ENPP6: variants seen among roughly 807,000 people sequenced by gnomAD.
ENPP6 encodes the protein glycerophosphocholine cholinephosphodiesterase ENPP6.
Under a neutral mutation model 42.0 loss-of-function variants are expected in ENPP6, and 32 were observed. That is an observed-to-expected ratio of 0.76 (90% CI 0.58 to 1.02). The LOEUF (loss-of-function observed/expected upper bound fraction) is 1.02, where lower values mean the gene tolerates loss of function less well. Ranked by LOEUF, ENPP6 falls within the 50% of genes least tolerant of loss-of-function variation. ENPP6 has a pLI of 0.00. For missense variants in ENPP6, 552 were observed against 566.8 expected (o/e 0.97, Z 0.27); for synonymous variants, 213 against 216.0 (o/e 0.99, Z 0.12).
At chr4:184,201,111 C>T (rs546763747) in intron 1 of ENPP6, among the ~76,000 whole-genome samples, 1 of 152,166 alleles carries the variant, frequency 6.6e-6, no homozygotes, top group Non-Finnish European at 1.5e-5. Context: ...AAACACAGCA[C>T]GCGCGCCCCC....
At chr4:184,156,915 C>T (rs747011228) in intron 1 of ENPP6, among the ~76,000 whole-genome samples, 1 of 152,234 alleles carries the variant, frequency 6.6e-6, no homozygotes, top group Non-Finnish European at 1.5e-5. Flanking sequence ...GGCTGGCCTT[C>T]ACATCTCACG....
chr4:184,154,171 T>C (rs1389030505), intron 1 of ENPP6, among the ~76,000 whole-genome samples: 1 of 152,186 alleles, frequency 6.6e-6, no homozygotes, highest in African/African-American at 2.4e-5. Context: ...TTTCCTTTCT[T>C]AAATAAGAGG....
At chr4:184,111,261 G>T (rs909808955) in intron 6 of ENPP6, among the ~76,000 whole-genome samples, 4 of 152,206 alleles carry the variant, frequency 2.6e-5, no homozygotes, top group Admixed American at 1.3e-4. Flanking sequence ...GATGGCTGTG[G>T]ATTAACCTTC....
At chr4:184,217,163 C>T (rs1488187678) in intron 1 of ENPP6, among the ~76,000 whole-genome samples, 1 of 152,026 alleles carries the variant, frequency 6.6e-6, no homozygotes, top group Non-Finnish European at 1.5e-5. Flanking sequence ...AACAAGCCCA[C>T]AGGGTGCCAG....
intron 2 of ENPP6, among the ~76,000 whole-genome samples, chr4:184,134,131 G>GATTT (rs60164895): frequency 0.049 from 7,275 of 147,246 alleles, 605 homozygotes; most frequent in African/African-American, 0.17. Context: ...TTATGGAAGT[G>GATTT]ATTTATTTAT....
chr4:184,130,818 C>T (rs1736593903), intron 2 of ENPP6, among the ~76,000 whole-genome samples: 1 of 151,976 alleles, frequency 6.6e-6, no homozygotes. Context: ...CATAAGGAAC[C>T]AAAACTTATT....
intron 1 of ENPP6, among the ~76,000 whole-genome samples, chr4:184,183,942 T>G (rs55651639): frequency 0.11 from 17,022 of 152,280 alleles, 1,332 homozygotes; most frequent in African/African-American, 0.22. Flanking sequence ...CTTCCCCTGC[T>G]ATTTGCCAGA....
chr4:184,102,363 T>C (rs4444870), intron 6 of ENPP6, among the ~76,000 whole-genome samples: 97,752 of 152,104 alleles, frequency 0.64, 32,028 homozygotes, highest in African/African-American at 0.76. Context: ...GGTCCATGTT[T>C]ATTATTTGCC....
At chr4:184,095,178 A>C (rs998248678) in intron 7 of ENPP6, among the ~76,000 whole-genome samples, 1 of 152,166 alleles carries the variant, frequency 6.6e-6, no homozygotes, top group African/African-American at 2.4e-5. Flanking sequence ...AGCGCAGTCC[A>C]TTTTCATCAG....
intron 1 of ENPP6, among the ~76,000 whole-genome samples, chr4:184,189,047 G>T (rs1159383722): frequency 6.6e-6 from 1 of 152,360 alleles, no homozygotes; most frequent in East Asian, 1.9e-4. Context: ...AGTCTGTCAA[G>T]TGCTTTGGGG....
intron 6 of ENPP6, among the ~76,000 whole-genome samples, chr4:184,102,948 A>C (rs966866497): frequency 6.6e-5 from 10 of 152,240 alleles, no homozygotes; most frequent in African/African-American, 2.4e-4. Context: ...GAAGCTGCTC[A>C]CCTGGCATCT....
chr4:184,164,467 T>C (rs1403611705), intron 1 of ENPP6, among the ~76,000 whole-genome samples: 1 of 152,114 alleles, frequency 6.6e-6, no homozygotes, highest in Non-Finnish European at 1.5e-5. Flanking sequence ...GGTGTCCTTA[T>C]AAAAACGGGA....
chr4:184,113,899 T>TTTCCTTTCTTTCTTTC (rs1409161618), intron 5 of ENPP6, among the ~76,000 whole-genome samples: 4 of 103,626 alleles, frequency 3.9e-5, no homozygotes, highest in East Asian at 2.7e-4. Flanking sequence ...CCTTTCTTTC[T>TTTCCTTTCTTTCTTTC]TTTCTTTCTT....
intron 1 of ENPP6, among the ~76,000 whole-genome samples, chr4:184,167,851 A>C (rs1737378958): frequency 1.3e-5 from 2 of 152,302 alleles, no homozygotes; most frequent in South Asian, 4.1e-4. Context: ...CTGGGAGCAG[A>C]CACTGGGTCT....
At chr4:184,136,299 A>G (rs1736729157) in intron 2 of ENPP6, among the ~76,000 whole-genome samples, 1 of 152,022 alleles carries the variant, frequency 6.6e-6, no homozygotes, top group South Asian at 2.1e-4. Flanking sequence ...TTTAACTCTG[A>G]AATTTACATT....
chr4:184,171,274 C>G (rs1179023663), intron 1 of ENPP6, among the ~76,000 whole-genome samples: 1 of 152,230 alleles, frequency 6.6e-6, no homozygotes, highest in South Asian at 2.1e-4. Context: ...CACCTGTGGC[C>G]TCTCCATATG....
At position 184,097,129 on chromosome 4, in the gene ENPP6, C is replaced by T. The variant is rs977938932; in HGVS notation, c.1117+116G>A. 2.7e-6 allele frequency: 4 copies of T among 1,475,898 alleles called. No homozygotes were observed. In the African/African-American group the frequency reaches 5.6e-5, roughly 21 times the overall value. 91.4% of individuals were successfully genotyped at this position (1,475,898 alleles called of 1,614,324 possible). On this transcript the variant is annotated intron_variant, in intron 7 of 7. Coordinates refer to ENST00000296741, the MANE Select transcript of ENPP6 (RefSeq NM_153343.4). Reference sequence around the variant, plus strand: ...GACCGGCTGGGTTTGCTCTGCTTGGCTCATAAAGAGGGTCTGTAAGGAAAT... The same window carrying T: ...GACCGGCTGGGTTTGCTCTGCTTGGTTCATAAAGAGGGTCTGTAAGGAAAT...
At position 184,116,874 on chromosome 4, in the gene ENPP6, G is replaced by C; in HGVS notation, c.837C>G (p.Ala279=). 1 of 1,613,644 alleles carries C rather than the reference G, an allele frequency of 6.2e-7. No individual in the cohort carries two copies. Among genetic ancestry groups the C allele is most frequent in the Non-Finnish European group, 8.5e-7 (1 of 1,179,964 alleles). Residue 279 remains alanine (A), a synonymous_variant, in exon 5 of 8, where the codon GCC becomes GCG. Coordinates refer to ENST00000296741, the MANE Select transcript of ENPP6 (RefSeq NM_153343.4). ...DRGPVVSLWP[A]PGKHSEIYNK... is the part of the protein sequence containing the mutation. ...GTCTTGCCTCAGAGTGTTTCCCAGG[G>C]GCCGGCCAAAGGCTCACAACAGGCC...
intron 2 of ENPP6, 32 bp from the exon 3 acceptor site, chr4:184,124,304 C>G: frequency 2.0e-6 from 3 of 1,523,728 alleles, no homozygotes; most frequent in Non-Finnish European, 2.7e-6. Context: ...AATAGTTACT[C>G]TCTTCAATAA....
Sources: gnomAD v4.1 joint callset for allele counts (sites outside exome capture counted in the v4.1 genomes callset) on GRCh38, gnomAD v4.1.1 for gene constraint, MANE v1.5 for transcripts, NCBI Gene and HGNC (gene_info 2026-07-23, HGNC 2026-07-21) for gene names.